Variants in HGSNAT observed in about 807,000 individuals in gnomAD.
The protein encoded by HGSNAT is transmembrane protein 76.
HGSNAT carries 59 observed loss-of-function variants against 85.2 expected under a neutral mutation model. That is an observed-to-expected ratio of 0.69 (90% confidence interval 0.56 to 0.86). The LOEUF (loss-of-function observed/expected upper bound fraction) is 0.86. Among genes scored for constraint, HGSNAT ranks in the 40% least tolerant of loss-of-function variants. The pLI is 0.00. For synonymous variants in HGSNAT, 321 were observed against 304.5 expected, an observed-to-expected ratio of 1.05 and a Z score of -0.56; for missense variants, 756 against 777.1, an observed-to-expected ratio of 0.97 and a Z score of 0.32.
intron 2 of HGSNAT, 25 bp downstream of exon 2, chr8:43,147,088 C>T: frequency 7.2e-7 from 1 of 1,381,960 alleles, no homozygotes; most frequent in Non-Finnish European, 1.0e-6. Context: ...ACACTCAGTT[C>T]TGTTTGCTTT....
chr8:43,140,827 A>AG lies in HGSNAT; in HGVS notation c.118+218dup, dbSNP rs1396070140. Among the ~76,000 whole-genome samples, 5 of 151,014 alleles carry AG rather than the reference A, an allele frequency of 3.3e-5. No homozygotes were observed. The East Asian group carries it at 1.0e-3, about 30-fold the overall frequency. On this transcript the variant is annotated intron_variant, in intron 1 of 17. Coordinates refer to ENST00000379644, the MANE Select transcript of HGSNAT (RefSeq NM_152419.3). Reference sequence around the variant, plus strand: ...CGGCCGGGCCCCGCGGAGGCGGGGGAGGGGGCGGTTCGGACCGCGGCGGAG... The same window carrying AG: ...CGGCCGGGCCCCGCGGAGGCGGGGGAGGGGGGCGGTTCGGACCGCGGCGGAG...
chr8:43,155,163 C>T (rs1274365294), intron 2 of HGSNAT, among the ~76,000 whole-genome samples: 2 of 152,104 alleles, frequency 1.3e-5, no homozygotes, highest in East Asian at 1.9e-4. Context: ...TATTGTTTCC[C>T]ACAATGGCTG....
intron 17 of HGSNAT, among the ~76,000 whole-genome samples, chr8:43,198,165 C>T (rs1300426732): frequency 6.6e-6 from 1 of 152,116 alleles, no homozygotes; most frequent in Non-Finnish European, 1.5e-5. Flanking sequence ...CCCATTTTCA[C>T]CGTGTAGGTT....
chr8:43,166,724 C>G (rs903625536), intron 5 of HGSNAT, among the ~76,000 whole-genome samples: 16 of 152,068 alleles, frequency 1.1e-4, no homozygotes, highest in African/African-American at 3.6e-4. Context: ...GCCCATGGAT[C>G]AAGGAGTAAT....
Position 43,197,843 on chromosome 8 carries a change from C to G in HGSNAT, c.1617C>G (p.Ser539=), listed in dbSNP as rs767625503. 2 of 1,613,512 alleles carry G rather than the reference C, an allele frequency of 1.2e-6. No individual in the cohort carries two copies. Among genetic ancestry groups the G allele is most frequent in the East Asian group, 4.5e-5 (2 of 44,884 alleles). ...GFIPVNKNLW[S]LSYVTTLSSF... is the part of the protein sequence containing the mutation. ...ACGTCTCCTCCACCCCTCCCAGGTCCCTTTCGTATGTCACTACGCTCAGTT... is the reference window on the plus strand; with the variant it reads ...ACGTCTCCTCCACCCCTCCCAGGTCGCTTTCGTATGTCACTACGCTCAGTT... The change falls in exon 17 of 18, where the codon TCC becomes TCG. Residue 539 remains serine (S), a synonymous_variant. Coordinates refer to ENST00000379644, the MANE Select transcript of HGSNAT (RefSeq NM_152419.3).
At chr8:43,166,844 C>A (rs1439086427) in intron 5 of HGSNAT, among the ~76,000 whole-genome samples, 1 of 152,148 alleles carries the variant, frequency 6.6e-6, no homozygotes, top group Non-Finnish European at 1.5e-5. Flanking sequence ...CATTGAAAAC[C>A]TTCTGGAAAG....
At chr8:43,166,470 G>T (rs1803439127) in intron 5 of HGSNAT, among the ~76,000 whole-genome samples, 1 of 152,184 alleles carries the variant, frequency 6.6e-6, no homozygotes, top group Non-Finnish European at 1.5e-5. Context: ...TAAGAATTAT[G>T]CTAAATCTCC....
intron 5 of HGSNAT, among the ~76,000 whole-genome samples, chr8:43,168,542 G>A (rs1436631362): frequency 6.6e-6 from 1 of 151,474 alleles, no homozygotes; most frequent in South Asian, 2.1e-4. Context: ...GATTACAGGC[G>A]TGTACCACCA....
At chr8:43,170,502 A>G in intron 6 of HGSNAT, 83 bp from the exon 7 acceptor site, 1 of 1,223,170 alleles carries the variant, frequency 8.2e-7, no homozygotes, top group South Asian at 1.3e-5. Context: ...AAAACAAAAC[A>G]AAACAAAGAA....
At chr8:43,159,135 G>T in intron 4 of HGSNAT, 91 bp downstream of exon 4, 12 of 1,342,672 alleles carry the variant, frequency 8.9e-6, no homozygotes, top group Non-Finnish European at 5.1e-6. Context: ...AGTCCATGAC[G>T]CTTTCTGTAG....
In HGSNAT at chr8:43,181,209, G is replaced by C. The variant is rs192987106; in HGVS notation, c.1013-936G>C. ...AGAGGGAGAGGGAGAGGGAGAGGGA[G>C]AGGGAGAGGGAGAGGGAGAGGGAGA... On this transcript the variant is annotated intron_variant, in intron 10 of 17. Transcript: ENST00000379644. Among the ~76,000 whole-genome samples the C allele has an allele frequency of 2.5e-3, 171 of 69,586 alleles. 15 individuals are homozygous for C. Among genetic ancestry groups the C allele is most frequent in the South Asian group, 9.4e-3 (11 of 1,174 alleles). 45.7% of individuals were successfully genotyped at this position (69,586 alleles called of 152,430 possible).
chr8:43,159,131 T>A, intron 4 of HGSNAT, 87 bp downstream of exon 4: 2 of 1,372,082 alleles, frequency 1.5e-6, no homozygotes, highest in South Asian at 2.9e-5. Context: ...AAGCAGTCCA[T>A]GACGCTTTCT....
chr8:43,187,261 TATC>T (rs1259395374), intron 11 of HGSNAT, among the ~76,000 whole-genome samples: 1 of 152,202 alleles, frequency 6.6e-6, no homozygotes. Context: ...CTCCCATTAT[TATC>T]ATGTGGGAGT....
At chr8:43,172,062 T>C (rs1252880233) in intron 7 of HGSNAT, among the ~76,000 whole-genome samples, 1 of 152,262 alleles carries the variant, frequency 6.6e-6, no homozygotes, top group African/African-American at 2.4e-5. Context: ...AAGACTGCAG[T>C]ATACACTTTG....
Position 43,196,957 on chromosome 8 carries a change from A to G in HGSNAT, c.1474A>G (p.Ile492Val), listed in dbSNP as rs766052009. 7.5e-6 allele frequency: 12 copies of G among 1,605,800 alleles called. No homozygotes were observed. The highest frequency in any genetic ancestry group is 9.4e-6 in the Non-Finnish European group (11 of 1,172,674). ...MAFLGVQAGK[I>V]LLYYKARTKD... ...GTGTTATCTCCTCCAGGCAGGAAAA[A>G]TACTATTGTATTACAAGGCTCGGAC... The change falls in exon 15 of 18, where the codon ATA becomes GTA. Residue 492 changes from isoleucine (I) to valine (V), a missense_variant. By Grantham distance (29) the Ile-to-Val change is conservative. Coordinates refer to ENST00000379644, the MANE Select transcript of HGSNAT (RefSeq NM_152419.3).
rs917078025 is a variant in HGSNAT, at chr8:43,200,165, C to G, written c.*596C>G. 6.6e-6 allele frequency: 1 copy of G among 152,186 alleles called. No individual in the cohort carries two copies. The highest frequency in any genetic ancestry group is 1.5e-5 in the Non-Finnish European group (1 of 68,050). 9.4% of individuals were successfully genotyped at this position (152,186 alleles called of 1,614,324 possible). ...TCACAAGCCATTTTTTCCTTTTCCT[C>G]TCTCGAAAAGTTAAAATATCTATGT... On this transcript the variant is annotated 3_prime_UTR_variant, in exon 18 of 18. Transcript: ENST00000379644.
chr8:43,188,228 T>C (rs1301415505), intron 11 of HGSNAT, among the ~76,000 whole-genome samples: 1 of 152,250 alleles, frequency 6.6e-6, no homozygotes, highest in Non-Finnish European at 1.5e-5. Context: ...GATAATATCC[T>C]GAAGAGTTTT....
At chr8:43,147,331 C>G (rs1169488339) in intron 2 of HGSNAT, among the ~76,000 whole-genome samples, 1 of 152,182 alleles carries the variant, frequency 6.6e-6, no homozygotes, top group Non-Finnish European at 1.5e-5. Context: ...TATTTTCCTC[C>G]TCTCTAGTGC....
At chr8:43,158,813 T>C in intron 3 of HGSNAT, 102 bp downstream of exon 3, 1 of 1,496,972 alleles carries the variant, frequency 6.7e-7, no homozygotes, top group Admixed American at 2.2e-5. Flanking sequence ...CTTTATCTTT[T>C]CTGGTCCGTA....
Sources: allele counts gnomAD v4.1 joint callset (sites outside exome capture counted in the v4.1 genomes callset), GRCh38; gene constraint gnomAD v4.1.1; transcripts MANE v1.5; gene names NCBI Gene and HGNC (gene_info 2026-07-23, HGNC 2026-07-21).